The following DLG2 variants were observed in gnomAD, a reference collection of about 807,000 sequenced individuals.
DLG2 encodes disks large homolog 2.
In DLG2, 45 loss-of-function variants were observed where a neutral mutation model predicts 132.5. The ratio of observed to expected loss-of-function variants is 0.34; its 90% confidence interval spans 0.27 to 0.44. DLG2 has a LOEUF of 0.44. DLG2 is among the 20% of genes least tolerant of loss of function. DLG2 has a pLI of 1.00. For missense variants in DLG2, 1,045 were observed against 1,196.9 expected, an observed-to-expected ratio of 0.87 and a Z score of 1.87; for synonymous variants, 424 against 419.6, an observed-to-expected ratio of 1.01 and a Z score of -0.13.
chr11:85,550,598 G>A (rs2076608867), intron 3 of DLG2, among the ~76,000 whole-genome samples: 1 of 152,244 alleles, frequency 6.6e-6, no homozygotes, highest in Non-Finnish European at 1.5e-5. Flanking sequence ...GCGGCAGGCT[G>A]AGTAAAGGAG....
chr11:85,198,264 C>T (rs997391617), intron 4 of DLG2, among the ~76,000 whole-genome samples: 4 of 152,154 alleles, frequency 2.6e-5, no homozygotes, highest in African/African-American at 9.7e-5. Context: ...TTATTTCAGA[C>T]CTCTGGCCCT....
At chr11:84,362,868 C>T (rs189861939) in intron 7 of DLG2, among the ~76,000 whole-genome samples, 3 of 152,248 alleles carry the variant, frequency 2.0e-5, no homozygotes, top group East Asian at 1.9e-4. Context: ...CATAGTATTC[C>T]ATGGTGTATA....
chr11:83,638,736 G>T (rs2065535033), intron 18 of DLG2, among the ~76,000 whole-genome samples: 1 of 152,144 alleles, frequency 6.6e-6, no homozygotes, highest in Non-Finnish European at 1.5e-5. Context: ...CATCTGCTAG[G>T]CAACCACTCA....
At chr11:83,809,388 C>T (rs1299974715) in intron 17 of DLG2, among the ~76,000 whole-genome samples, 1 of 152,146 alleles carries the variant, frequency 6.6e-6, no homozygotes, top group Non-Finnish European at 1.5e-5. Flanking sequence ...AAGTCAAGGA[C>T]AAGCCTCAAG....
chr11:84,135,575 C>A (rs1262077403), intron 9 of DLG2, among the ~76,000 whole-genome samples: 1 of 151,950 alleles, frequency 6.6e-6, no homozygotes, highest in Non-Finnish European at 1.5e-5. Context: ...AGGCAGTAGT[C>A]AGGCAAAGAG....
chr11:84,396,581 G>A (rs1385779709), intron 7 of DLG2, among the ~76,000 whole-genome samples: 1 of 152,166 alleles, frequency 6.6e-6, no homozygotes, highest in African/African-American at 2.4e-5. Flanking sequence ...TGTGATTTAT[G>A]TGCATACGTC....
chr11:83,495,618 G>A (rs147813270), intron 21 of DLG2, among the ~76,000 whole-genome samples: 17 of 152,068 alleles, frequency 1.1e-4, no homozygotes, highest in East Asian at 5.8e-4. Context: ...AGAAATTGTC[G>A]TACCCATTTA....
At chr11:84,986,588 G>A (rs1337366389) in intron 6 of DLG2, among the ~76,000 whole-genome samples, 1 of 152,086 alleles carries the variant, frequency 6.6e-6, no homozygotes, top group Non-Finnish European at 1.5e-5. Context: ...GATCAAGTGG[G>A]TTTCATACCA....
chr11:85,077,426 G>A (rs1339235435), intron 6 of DLG2, among the ~76,000 whole-genome samples: 1 of 151,924 alleles, frequency 6.6e-6, no homozygotes, highest in Admixed American at 6.6e-5. Flanking sequence ...GCCTATGCTA[G>A]TGGAGTTGTT....
chr11:83,691,677 C>T (rs768536300), intron 18 of DLG2, among the ~76,000 whole-genome samples: 3 of 152,174 alleles, frequency 2.0e-5, no homozygotes, highest in East Asian at 1.9e-4. Flanking sequence ...GATCAGAAGC[C>T]GATAGAAGAT....
intron 4 of DLG2, among the ~76,000 whole-genome samples, chr11:85,261,092 A>G (rs2076916510): frequency 6.6e-6 from 1 of 152,202 alleles, no homozygotes; most frequent in Admixed American, 6.5e-5. Context: ...GAGTTAAAGA[A>G]AGCAAGTTTG....
intron 18 of DLG2, among the ~76,000 whole-genome samples, chr11:83,753,209 G>A (rs895660130): frequency 2.0e-5 from 3 of 152,110 alleles, no homozygotes; most frequent in Non-Finnish European, 2.9e-5. Context: ...GATCACTTGA[G>A]GTTAGGAGTT....
At chr11:84,888,199 G>A (rs1452809669) in intron 6 of DLG2, among the ~76,000 whole-genome samples, 1 of 152,108 alleles carries the variant, frequency 6.6e-6, no homozygotes, top group African/African-American at 2.4e-5. Flanking sequence ...TTCTGAATGT[G>A]TCTGTGAGGG....
At chr11:85,313,262 T>C (rs2080431093) in intron 3 of DLG2, among the ~76,000 whole-genome samples, 1 of 152,028 alleles carries the variant, frequency 6.6e-6, no homozygotes, top group Non-Finnish European at 1.5e-5. Context: ...GACCTACTTG[T>C]TGAAGATGGC....
intron 17 of DLG2, among the ~76,000 whole-genome samples, chr11:83,830,770 A>C (rs1350432379): frequency 1.3e-5 from 2 of 152,232 alleles, no homozygotes; most frequent in Non-Finnish European, 2.9e-5. Flanking sequence ...TAGCCTCTCC[A>C]AATCTCTTTT....
chr11:83,889,730 C>T (rs1434292205), intron 15 of DLG2, among the ~76,000 whole-genome samples: 7 of 151,950 alleles, frequency 4.6e-5, no homozygotes, highest in Non-Finnish European at 1.5e-5. Flanking sequence ...CAATGATAGA[C>T]TGGATTAAGA....
chr11:84,836,085 A>G (rs2079727515), intron 6 of DLG2, among the ~76,000 whole-genome samples: 1 of 151,758 alleles, frequency 6.6e-6, no homozygotes, highest in African/African-American at 2.4e-5. Context: ...TGAGGCAGTT[A>G]CTCAGTGTCT....
chr11:85,245,968 T>C lies in DLG2; in HGVS notation c.186+39252A>G, dbSNP rs148592752. ...AAGATTTTGCTCAATTGTCATATTC[T>C]CTGTGATTCTTATTCTATCATTTTT... is the stretch of plus-strand genomic sequence containing the variant. On this transcript the variant is annotated intron_variant, in intron 4 of 27. Transcript: ENST00000376104. Among the ~76,000 whole-genome samples, 15 of 152,092 alleles carry C rather than the reference T, an allele frequency of 9.9e-5. No individual in the cohort carries two copies. In the East Asian group the frequency reaches 2.7e-3, roughly 27 times the overall value.
chr11:83,535,172 A>C (rs984558529), intron 20 of DLG2, among the ~76,000 whole-genome samples: 5 of 152,156 alleles, frequency 3.3e-5, no homozygotes, highest in Admixed American at 2.0e-4. Flanking sequence ...ATTTATATTG[A>C]TCTCTTTGTA....
Sources: allele counts gnomAD v4.1 joint callset (sites outside exome capture counted in the v4.1 genomes callset), GRCh38; gene constraint gnomAD v4.1.1; transcripts MANE v1.5; gene names NCBI Gene and HGNC (gene_info 2026-07-23, HGNC 2026-07-21).